WDR33: variants seen among roughly 807,000 people sequenced by gnomAD.
WDR33 encodes WD repeat domain 33, also known as pre-mRNA 3' end processing protein WDR33.
In WDR33, 47 loss-of-function variants were observed where a neutral mutation model predicts 164.9. The observed-to-expected ratio is 0.29, with a 90% CI of 0.23 to 0.36. The LOEUF is 0.36. Among genes scored for constraint, WDR33 ranks in the 10% least tolerant of loss-of-function variants. The probability of loss-of-function intolerance (pLI) is 1.00; values close to 1 mark genes in which losing one functional copy is unlikely to be tolerated. For synonymous variants in WDR33, 505 were observed against 589.0 expected (o/e 0.86, Z 2.06); for missense variants, 1,137 against 1,754.1 (o/e 0.65, Z 6.28).
At chr2:127,797,985 A>G (rs114242581) in intron 1 of WDR33, among the ~76,000 whole-genome samples, 9 of 152,178 alleles carry the variant, frequency 5.9e-5, no homozygotes, top group African/African-American at 2.2e-4. Context: ...CTGCACTTCA[A>G]CCTGGTGACA....
At chr2:127,795,164 G>T (rs142264681) in intron 1 of WDR33, among the ~76,000 whole-genome samples, 1 of 147,044 alleles carries the variant, frequency 6.8e-6, no homozygotes, top group Non-Finnish European at 1.5e-5. Context: ...GCAATGGTGC[G>T]ATCTCGGCTT....
chr2:127,719,993 G>T lies in WDR33; in HGVS notation c.2032C>A (p.Gln678Lys). The change falls in exon 16 of 22, where the codon CAG becomes AAG. Residue 678 changes from glutamine (Q) to lysine (K), a missense_variant. Gln to Lys is a moderately conservative substitution (Grantham distance 53, BLOSUM62 1). Transcript: ENST00000322313. This position sits in a 1 kb window ranked among gnomAD's most constrained non-coding sequence, Gnocchi z 6.5. Reference protein sequence around the residue: ...PQDMHGPQGMQRHPGPHGPLG... With the variant: ...PQDMHGPQGMKRHPGPHGPLG... The stretch of plus-strand genomic sequence containing the variant: ...GGGCCATGAGGTCCAGGATGCCTCT[G>T]CATTCCTTGGGGCCCATGCATGTCC... 6.2e-7 allele frequency: 1 copy of T among 1,613,916 alleles called. No individual in the cohort carries two copies.
At chr2:127,737,147 T>G (rs1686868512) in intron 7 of WDR33, 1 of 985,468 alleles carries the variant, frequency 1.0e-6, no homozygotes, top group African/African-American at 1.7e-5. Context: ...AAGGCTACTT[T>G]GCAGAGTATT....
Position 127,764,984 on chromosome 2 carries a change from G to A in WDR33, c.475-5C>T. 2 of 1,612,858 alleles carry A rather than the reference G, an allele frequency of 1.2e-6. No homozygotes were observed. The highest frequency in any genetic ancestry group is 1.3e-5 in the African/African-American group (1 of 75,016). On this transcript the variant is annotated splice_polypyrimidine_tract_variant and splice_region_variant and intron_variant, in intron 5 of 21. Transcript: ENST00000322313. The surrounding 1 kb of genome is among the most constrained non-coding windows in gnomAD (Gnocchi z 6.2). ...CCTCACTGGGCTGTCGTGAGCCTGT[G>A]AAAGCAGAAAACATTAATTAGTAAG...
intron 1 of WDR33, among the ~76,000 whole-genome samples, chr2:127,775,139 T>C (rs1490171534): frequency 1.3e-5 from 2 of 152,210 alleles, no homozygotes; most frequent in African/African-American, 4.8e-5. Context: ...GTGAATTCTC[T>C]GTTATGCGAC....
At chr2:127,762,602 G>A (rs1322959279) in intron 7 of WDR33, 1 of 987,540 alleles carries the variant, frequency 1.0e-6, no homozygotes, top group Non-Finnish European at 1.2e-6. Flanking sequence ...GTACAAATGT[G>A]GTGTACTGAA....
chr2:127,787,682 T>A (rs1573461193), intron 1 of WDR33, among the ~76,000 whole-genome samples: 1 of 87,226 alleles, frequency 1.1e-5, no homozygotes, highest in South Asian at 5.4e-4. Context: ...CCCACCTCCC[T>A]CCCGGACGGG....
At chr2:127,768,691 G>A (rs1687899068) in intron 3 of WDR33, among the ~76,000 whole-genome samples, 2 of 151,942 alleles carry the variant, frequency 1.3e-5, no homozygotes, top group South Asian at 2.1e-4. Flanking sequence ...ACTTCTTTTT[G>A]GACACTGCTT....
chr2:127,708,910 T>C lies in WDR33; in HGVS notation c.3566-18A>G. On this transcript the variant is annotated intron_variant, in intron 20 of 21. Transcript: ENST00000322313. The surrounding 1 kb of genome is among the most constrained non-coding windows in gnomAD (Gnocchi z 6.7). ...ACCTGGCCCTGAAACAAGAAACAAA[T>C]CTCCTTACAGGAAAGCACAGTGTGA... The C allele has an allele frequency of 6.5e-7, 1 of 1,536,372 alleles. No homozygotes were observed. The highest frequency in any genetic ancestry group is 8.8e-7 in the Non-Finnish European group (1 of 1,136,638).
At chr2:127,771,787 A>AGGAG (rs551989792) in intron 1 of WDR33, among the ~76,000 whole-genome samples, 1,969 of 128,570 alleles carry the variant, frequency 0.015, 13 homozygotes, top group East Asian at 0.034. Flanking sequence ...GAAAGAAGGA[A>AGGAG]GGAGGGAGGG....
intron 1 of WDR33, among the ~76,000 whole-genome samples, chr2:127,788,155 C>T (rs1399557888): frequency 9.5e-5 from 9 of 94,244 alleles, no homozygotes; most frequent in Non-Finnish European, 1.5e-4. Context: ...CGGGCAGAGG[C>T]GCCCCTCACC....
intron 1 of WDR33, among the ~76,000 whole-genome samples, chr2:127,804,223 A>G (rs573620404): frequency 3.3e-5 from 5 of 152,278 alleles, no homozygotes; most frequent in African/African-American, 1.2e-4. Context: ...CGGGAGGTTG[A>G]GGCAGGAGAA....
At position 127,701,376 on chromosome 2, in the gene WDR33, G is replaced by A. The variant is rs935062781; in HGVS notation, c.*4947C>T. On this transcript the variant is annotated 3_prime_UTR_variant, in exon 22 of 22. Coordinates refer to ENST00000322313, the MANE Select transcript of WDR33 (RefSeq NM_018383.5). ...CACGGTACTTGGGGACACCACAAAA[G>A]TCCGCAGAGCAGGCACCGCGGCACT... 2.1e-5 allele frequency: 15 copies of A among 708,256 alleles called. No homozygotes were observed. Among genetic ancestry groups the A allele is most frequent in the Non-Finnish European group, 2.9e-5 (15 of 514,544 alleles). The allele number at this position is 708,256 out of a possible 1,614,324, so 43.9% of individuals were successfully genotyped here.
chr2:127,775,221 C>T (rs1688149246), intron 1 of WDR33, among the ~76,000 whole-genome samples: 1 of 152,118 alleles, frequency 6.6e-6, no homozygotes, highest in Admixed American at 6.5e-5. Context: ...CGGAGTCTCA[C>T]TGTATTGCCC....
chr2:127,706,226 C>G lies in WDR33; in HGVS notation c.*97G>C. The G allele has an allele frequency of 8.4e-7, 1 of 1,194,002 alleles. No individual in the cohort carries two copies. Among genetic ancestry groups the G allele is most frequent in the East Asian group, 2.7e-5 (1 of 37,000 alleles). 74.0% of individuals were successfully genotyped at this position (1,194,002 alleles called of 1,614,324 possible). On this transcript the variant is annotated 3_prime_UTR_variant, in exon 22 of 22. Coordinates refer to ENST00000322313, the MANE Select transcript of WDR33 (RefSeq NM_018383.5). The surrounding 1 kb of genome is among the most constrained non-coding windows in gnomAD (Gnocchi z 5.1). ...CAGGTGCCCAGAAAAGAGTTCAGGGCTACAATGGTGCAGGCTTCCTTTTGT... is the reference window on the plus strand; with the variant it reads ...CAGGTGCCCAGAAAAGAGTTCAGGGGTACAATGGTGCAGGCTTCCTTTTGT...
chr2:127,723,432 C>A lies in WDR33; in HGVS notation c.1197-85G>T. On this transcript the variant is annotated intron_variant, in intron 11 of 21. Transcript: ENST00000322313. The surrounding 1 kb of genome is among the most constrained non-coding windows in gnomAD (Gnocchi z 5.9). ...CAGTACTAGGCAGACCCTTGGTAAA[C>A]ACAACACATTTTTACAATTTGTTTC... 1 of 1,042,272 alleles carries A rather than the reference C, an allele frequency of 9.6e-7. No individual in the cohort carries two copies. 64.6% of individuals were successfully genotyped at this position (1,042,272 alleles called of 1,614,324 possible). A position where few individuals can be genotyped will look rare whatever the true frequency, so the allele number is the denominator to read the frequency against.
chr2:127,772,435 T>TC (rs1688039836), intron 1 of WDR33, among the ~76,000 whole-genome samples: 1 of 144,448 alleles, frequency 6.9e-6, no homozygotes, highest in Non-Finnish European at 1.5e-5. Flanking sequence ...CAAGACTGTC[T>TC]TAAAAAAAAA....
rs996715030 is a variant in WDR33 at position 127,718,237 on chromosome 2, G to A, written c.2761-974C>T. 6.6e-5 allele frequency among the ~76,000 whole-genome samples: 10 copies of A among 152,152 alleles called. No individual in the cohort carries two copies. Among genetic ancestry groups the A allele is most frequent in the African/African-American group, 1.7e-4 (7 of 41,492 alleles). On this transcript the variant is annotated intron_variant, in intron 16 of 21. Coordinates refer to ENST00000322313, the MANE Select transcript of WDR33 (RefSeq NM_018383.5). The surrounding 1 kb of genome is among the most constrained non-coding windows in gnomAD (Gnocchi z 4.4). ...ATGGTCATCTTTACATTAGGGATTC[G>A]TGGTGGTATTTGAAAAACCAAAACA...
In WDR33 at chr2:127,723,494, C is replaced by A. The variant is rs1398812486; in HGVS notation, c.1197-147G>T. On this transcript the variant is annotated intron_variant, in intron 11 of 21. Transcript: ENST00000322313. This position sits in a 1 kb window ranked among gnomAD's most constrained non-coding sequence, Gnocchi z 5.9. ...TAAAATGTGAGGTCATACACTTTGG[C>A]TCACATCTGTAATCCCAGCACTTTG... The A allele has an allele frequency of 6.2e-6, 4 of 646,974 alleles. No individual in the cohort carries two copies. Among genetic ancestry groups the A allele is most frequent in the Non-Finnish European group, 7.7e-6 (3 of 389,812 alleles). 40.1% of individuals were successfully genotyped at this position (646,974 alleles called of 1,614,324 possible). A position where few individuals can be genotyped will look rare whatever the true frequency, so the allele number is the denominator to read the frequency against.
Sources: gnomAD v4.1 joint callset for allele counts (sites outside exome capture counted in the v4.1 genomes callset) on GRCh38, gnomAD v4.1.1 for gene constraint, Gnocchi (gnomAD v3.1) non-coding constraint, MANE v1.5 for transcripts, NCBI Gene and HGNC (gene_info 2026-07-23, HGNC 2026-07-21) for gene names.